Variants in CALCR observed in about 807,000 individuals in gnomAD.
CALCR encodes calcitonin receptor.
CALCR carries 47 observed loss-of-function variants against 59.5 expected under a neutral mutation model. The ratio of observed to expected loss-of-function variants is 0.79; its 90% CI spans 0.63 to 1.01. The LOEUF is 1.01. CALCR is among the 50% of genes least tolerant of loss of function. The pLI is 0.00. For missense variants in CALCR, 566 were observed against 597.1 expected, an observed-to-expected ratio of 0.95 and a Z score of 0.54; for synonymous variants, 213 against 211.3, an observed-to-expected ratio of 1.01 and a Z score of -0.07.
At chr7:93,475,227 A>AT (rs1272765592) in intron 5 of CALCR, among the ~76,000 whole-genome samples, 1 of 151,728 alleles carries the variant, frequency 6.6e-6, no homozygotes, top group African/African-American at 2.4e-5. Flanking sequence ...ATGAAAAAAC[A>AT]TTTTTTCAAG....
chr7:93,472,799 G>A (rs1050500270), intron 5 of CALCR, among the ~76,000 whole-genome samples: 4 of 151,632 alleles, frequency 2.6e-5, no homozygotes, highest in African/African-American at 7.3e-5. Flanking sequence ...CATGGATATC[G>A]GTCAGACTCC....
intron 4 of CALCR, among the ~76,000 whole-genome samples, chr7:93,478,386 C>T (rs905341894): frequency 6.6e-6 from 1 of 151,430 alleles, no homozygotes; most frequent in Non-Finnish European, 1.5e-5. Context: ...TTTTCCCTAC[C>T]AAGTTGGGTT....
intron 9 of CALCR, among the ~76,000 whole-genome samples, chr7:93,442,640 G>A (rs1799931279): frequency 6.6e-6 from 1 of 152,096 alleles, no homozygotes; most frequent in Non-Finnish European, 1.5e-5. Flanking sequence ...TCTCTTACCA[G>A]TACTTGTAGG....
chr7:93,477,291 A>T (rs182337578), intron 5 of CALCR, among the ~76,000 whole-genome samples: 6 of 151,912 alleles, frequency 3.9e-5, no homozygotes, highest in Non-Finnish European at 1.5e-5. Flanking sequence ...TTTAAATAAA[A>T]CTATTCACAG....
intron 8 of CALCR, among the ~76,000 whole-genome samples, chr7:93,450,793 C>G (rs1800093494): frequency 6.6e-6 from 1 of 151,890 alleles, no homozygotes; most frequent in Admixed American, 6.6e-5. Flanking sequence ...ACTCAGCCAT[C>G]ACCATTTTAT....
At chr7:93,512,420 A>C (rs10225481) in intron 2 of CALCR, among the ~76,000 whole-genome samples, 61,112 of 151,914 alleles carry the variant, frequency 0.4, 13,230 homozygotes, top group African/African-American at 0.56. Flanking sequence ...CTCATGTTTT[A>C]ATTCTCCCAG....
chr7:93,479,911 T>C (rs180838347), intron 3 of CALCR, among the ~76,000 whole-genome samples: 9 of 152,042 alleles, frequency 5.9e-5, no homozygotes, highest in Non-Finnish European at 1.2e-4. Flanking sequence ...TATTAAAAAA[T>C]AGACATAGTT....
chr7:93,524,342 TG>T (rs1376037398), intron 2 of CALCR, among the ~76,000 whole-genome samples: 16 of 151,888 alleles, frequency 1.1e-4, no homozygotes, highest in African/African-American at 2.9e-4. Context: ...GCTAATTTTT[TG>T]GTATTTTTAG....
chr7:93,491,757 G>T (rs1801082808), intron 2 of CALCR, among the ~76,000 whole-genome samples: 1 of 151,904 alleles, frequency 6.6e-6, no homozygotes, highest in Non-Finnish European at 1.5e-5. Flanking sequence ...AACCATAGAT[G>T]CTGGTGAGGC....
At chr7:93,499,315 G>C (rs1801273927) in intron 2 of CALCR, among the ~76,000 whole-genome samples, 1 of 151,718 alleles carries the variant, frequency 6.6e-6, no homozygotes, top group Non-Finnish European at 1.5e-5. Context: ...CTGGAACAAA[G>C]TTTGTGAAAT....
At position 93,486,670 on chromosome 7, in the gene CALCR, A is replaced by T. The variant is rs186772278; in HGVS notation, c.51+261T>A. Among the ~76,000 whole-genome samples the T allele has an allele frequency of 3.3e-5, 5 of 151,658 alleles. No individual in the cohort carries two copies. In the East Asian group the frequency reaches 7.8e-4, roughly 24 times the overall value. On this transcript the variant is annotated intron_variant, in intron 3 of 13. Transcript: ENST00000426151. The stretch of plus-strand genomic sequence containing the variant: ...TGTTAATTTCTAAGATAATATGGAG[A>T]TGTCTAAAATTAATGCTAAAGTTTT...
At chr7:93,493,890 G>A (rs796650278) in intron 2 of CALCR, among the ~76,000 whole-genome samples, 2 of 151,284 alleles carry the variant, frequency 1.3e-5, no homozygotes, top group Non-Finnish European at 3.0e-5. Flanking sequence ...CTTATTTCCT[G>A]GTGTGAAAGT....
intron 2 of CALCR, chr7:93,495,803 G>A (rs1238369829): frequency 9.7e-7 from 1 of 1,028,084 alleles, no homozygotes; most frequent in South Asian, 1.5e-5. Flanking sequence ...GATTGTTGTG[G>A]CTGATTTAGA....
Position 93,462,562 on chromosome 7 carries a change from T to C in CALCR, c.522-1615A>G, listed in dbSNP as rs112112494. On this transcript the variant is annotated intron_variant, in intron 7 of 13. Transcript: ENST00000426151. ...ATCCTTCATAGTCACAACAGCAATT[T>C]ATAATTCTCACTAGCAGTTAATTAT... is the stretch of plus-strand genomic sequence containing the variant. Among the ~76,000 whole-genome samples, 180 of 152,258 alleles carry C rather than the reference T, an allele frequency of 1.2e-3. 1 individual carries two copies. Among genetic ancestry groups the C allele is most frequent in the African/African-American group, 4.0e-3 (166 of 41,582 alleles).
chr7:93,459,829 A>G (rs1403631290), intron 8 of CALCR, among the ~76,000 whole-genome samples: 1 of 152,188 alleles, frequency 6.6e-6, no homozygotes, highest in Non-Finnish European at 1.5e-5. Context: ...AATGGTTCTC[A>G]GTAATGGAGC....
intron 2 of CALCR, among the ~76,000 whole-genome samples, chr7:93,535,440 T>C (rs1788959182): frequency 6.6e-6 from 1 of 151,750 alleles, no homozygotes; most frequent in Admixed American, 6.6e-5. Context: ...TTTTATTCTT[T>C]AGCACTTAAG....
Position 93,486,976 on chromosome 7 carries a change from C to G in CALCR, c.6G>C (p.Arg2Ser). The change falls in exon 3 of 14, where the codon AGG (arginine) becomes AGC (serine). Residue 2 changes from arginine to serine, a missense_variant. Arg to Ser is a moderately radical substitution (Grantham distance 110, BLOSUM62 -1). Transcript: ENST00000426151. ...CCAAGCACCGGCTTGTAAATGTGAA[C>G]CTCATTTTTGATTTTTGAAGATCTC... MRFTFTSRCLAL... is the reference protein window; with the variant it reads MSFTFTSRCLAL... 1.2e-6 allele frequency: 2 copies of G among 1,600,184 alleles called. No individual in the cohort carries two copies. Among genetic ancestry groups the G allele is most frequent in the South Asian group, 1.1e-5 (1 of 89,652 alleles).
chr7:93,485,861 A>C (rs1800931715), intron 3 of CALCR, among the ~76,000 whole-genome samples: 1 of 151,656 alleles, frequency 6.6e-6, no homozygotes, highest in Non-Finnish European at 1.5e-5. Flanking sequence ...CATTATCCAA[A>C]TAGGTGCAAA....
chr7:93,460,554 TA>T (rs71537257), intron 8 of CALCR, among the ~76,000 whole-genome samples: 2,552 of 78,586 alleles, frequency 0.032, 70 homozygotes, highest in East Asian at 0.15. Flanking sequence ...AGACTCTATC[TA>T]AAAAAAAAAA....
Sources: allele counts gnomAD v4.1 joint callset (sites outside exome capture counted in the v4.1 genomes callset), GRCh38; gene constraint gnomAD v4.1.1; transcripts MANE v1.5; gene names NCBI Gene and HGNC (gene_info 2026-07-23, HGNC 2026-07-21).